Variants in INKA2 observed in about 807,000 individuals in gnomAD.
The protein encoded by INKA2 is inka box actin regulator 2, also known as PAK4-inhibitor INKA2.
Under a neutral mutation model 9.8 loss-of-function variants are expected in INKA2, and 3 were observed. The observed-to-expected ratio is 0.31, with a 90% confidence interval of 0.14 to 0.79. The LOEUF is 0.79. Ranked by LOEUF, INKA2 falls within the 30% of genes least tolerant of loss-of-function variation. The pLI, the probability that INKA2 is intolerant of heterozygous loss-of-function variation, is 0.62. For synonymous variants in INKA2, 147 were observed against 143.3 expected, an observed-to-expected ratio of 1.03 and a Z score of -0.18; for missense variants, 392 against 384.4, an observed-to-expected ratio of 1.02 and a Z score of -0.17.
chr1:111,743,898 A>G (rs141507860), upstream of INKA2, among the ~76,000 whole-genome samples: 431 of 152,356 alleles, frequency 2.8e-3, no homozygotes, highest in African/African-American at 9.8e-3. Flanking sequence ...CATCAACAGG[A>G]AAGGCTGACC....
intron 1 of INKA2, among the ~76,000 whole-genome samples, chr1:111,750,013 C>T (rs187653293): frequency 6.6e-6 from 1 of 152,364 alleles, no homozygotes; most frequent in Non-Finnish European, 1.5e-5. Flanking sequence ...AAACTCCCTG[C>T]CAAAAGGGGC....
At chr1:111,740,927 G>C (rs1236232725), upstream of INKA2, among the ~76,000 whole-genome samples, 5 of 137,916 alleles carry the variant, frequency 3.6e-5, no homozygotes, top group African/African-American at 2.7e-5. Flanking sequence ...AGCCGAGATC[G>C]GGCCATTGCA....
At chr1:111,737,074 G>C (rs1290970918) in intron 1 of INKA2, among the ~76,000 whole-genome samples, 2 of 152,114 alleles carry the variant, frequency 1.3e-5, no homozygotes. Flanking sequence ...GGGTAGTGCA[G>C]AGCTCTCCCA....
intron 1 of INKA2, among the ~76,000 whole-genome samples, chr1:111,744,832 G>C (rs573633293): frequency 6.6e-6 from 1 of 152,030 alleles, no homozygotes; most frequent in Non-Finnish European, 1.5e-5. Context: ...TGCCCGCCTC[G>C]TGCTTTTACC....
chr1:111,745,287 A>AT (rs1663243086), intron 1 of INKA2: 3 of 50,044 alleles, frequency 6.0e-5, no homozygotes, highest in East Asian at 4.2e-4. Flanking sequence ...ATATATATAT[A>AT]TATATATTTT....
Position 111,727,243 on chromosome 1 carries a change from T to C in INKA2, c.619A>G (p.Thr207Ala). 5.0e-6 allele frequency: 8 copies of C among 1,614,224 alleles called. No individual in the cohort carries two copies. Among genetic ancestry groups the C allele is most frequent in the Non-Finnish European group, 3.4e-6 (4 of 1,180,036 alleles). Residue 207 changes from threonine to alanine, a missense_variant, in exon 2 of 2, where the codon ACA becomes GCA. Physicochemically the swap from Thr to Ala is moderately conservative, Grantham distance 58 (BLOSUM62 0). Transcript: ENST00000357260. Reference protein sequence around the residue: ...PQELGRRFALTANIFKKFLRS... With the variant: ...PQELGRRFALAANIFKKFLRS... ...AAGAACTTCTTAAAGATGTTTGCTG[T>C]CAGGGCGAACCTGCGGCCCAGCTCC...
At chr1:111,727,945 T>C in intron 1 of INKA2, 141 bp from the exon 2 acceptor site, 2 of 775,640 alleles carry the variant, frequency 2.6e-6, no homozygotes, top group South Asian at 3.1e-5. Flanking sequence ...CTCTATAGCC[T>C]AGTGCAGTGC....
Position 111,725,986 on chromosome 1 carries a change from C to T in INKA2, c.*982G>A. On this transcript the variant is annotated 3_prime_UTR_variant, in exon 2 of 2. Coordinates refer to ENST00000357260, the MANE Select transcript of INKA2 (RefSeq NM_019099.5). ...TCCTGACCCCAGGTAATCCGCCTGCCTTGCCCTCCCAAAGTGCTGGGATTA... is the reference window on the plus strand; with the variant it reads ...TCCTGACCCCAGGTAATCCGCCTGCTTTGCCCTCCCAAAGTGCTGGGATTA... 2.5e-6 allele frequency: 1 copy of T among 397,458 alleles called. No individual in the cohort carries two copies. Among genetic ancestry groups the T allele is most frequent in the South Asian group, 1.3e-4 (1 of 7,786 alleles). 24.6% of individuals were successfully genotyped at this position (397,458 alleles called of 1,614,324 possible).
chr1:111,742,041 C>T (rs1437287588), upstream of INKA2, among the ~76,000 whole-genome samples: 1 of 152,098 alleles, frequency 6.6e-6, no homozygotes, highest in Non-Finnish European at 1.5e-5. Context: ...TAGGGTCAAG[C>T]TTAAGCCCCA....
At chr1:111,743,946 A>G (rs1663204633), upstream of INKA2, among the ~76,000 whole-genome samples, 1 of 152,258 alleles carries the variant, frequency 6.6e-6, no homozygotes, top group Non-Finnish European at 1.5e-5. Flanking sequence ...GTGTTCAGAT[A>G]TCACTGCGGA....
intron 1 of INKA2, chr1:111,747,865 A>G (rs1663308715): frequency 6.6e-6 from 1 of 152,150 alleles, no homozygotes; most frequent in African/African-American, 2.4e-5. Context: ...ACAGTCTGAA[A>G]TGAGCTCTCA....
chr1:111,739,663 C>A (rs1221278895), upstream of INKA2, among the ~76,000 whole-genome samples: 2 of 152,226 alleles, frequency 1.3e-5, no homozygotes, highest in African/African-American at 4.8e-5. Flanking sequence ...AAGCACGTGA[C>A]CCTCGTGTGG....
rs142736994 is a variant in INKA2, at chr1:111,727,448, C to T, written c.414G>A (p.Pro138=). 389 of 1,614,220 alleles carry T rather than the reference C, an allele frequency of 2.4e-4. 2 individuals are homozygous for T. The East Asian group carries it at 5.2e-3, about 21-fold the overall frequency. Residue 138 remains proline (P), a synonymous_variant, in exon 2 of 2, where the codon CCG becomes CCA. Transcript: ENST00000357260. ...ACATCAACGTGGAGGTCCAGTCATC[C>T]GGTTCCACTCGCTCTGGCCCCTGCT... ...CAQQGPERVE[P]DDWTSTLMSR... is the part of the protein sequence containing the mutation.
intron 1 of INKA2, among the ~76,000 whole-genome samples, chr1:111,747,956 T>C (rs1035320319): frequency 6.6e-6 from 1 of 152,206 alleles, no homozygotes; most frequent in Non-Finnish European, 1.5e-5. Context: ...ATCAGTGTTA[T>C]CCTTCTACTA....
upstream of INKA2, among the ~76,000 whole-genome samples, chr1:111,742,729 C>G (rs1663174855): frequency 1.3e-5 from 2 of 152,246 alleles, no homozygotes; most frequent in Non-Finnish European, 2.9e-5. Flanking sequence ...AGCAAGAAAA[C>G]AAATTGATAA....
In INKA2 at chr1:111,727,499, C is replaced by T. The variant is rs376399692; in HGVS notation, c.363G>A (p.Arg121=). 3 of 1,614,214 alleles carry T rather than the reference C, an allele frequency of 1.9e-6. No homozygotes were observed. Among genetic ancestry groups the T allele is most frequent in the Admixed American group, 3.3e-5 (2 of 60,024 alleles). Residue 121 remains arginine, a synonymous_variant, in exon 2 of 2, where the codon AGG becomes AGA. Transcript: ENST00000357260. ...GAGCACAGCTTTGATGTGGCTGTGT[C>T]CTGGGCAAGGGGGCTAAATCCCTTC... ...VCGRDLAPLP[R]TQPHQSCAQQ...
In INKA2 at chr1:111,723,058, A is replaced by G; in HGVS notation, c.*3910T>C. On this transcript the variant is annotated 3_prime_UTR_variant, in exon 2 of 2. Transcript: ENST00000357260. ...GTGACAGAGGGGGCTCTCAAATCTT[A>G]ACTCCAAGTCTAGTGCTCATACCAT... The G allele has an allele frequency of 1.4e-6, 1 of 702,166 alleles. No individual in the cohort carries two copies. The highest frequency in any genetic ancestry group is 2.6e-6 in the Non-Finnish European group (1 of 384,690). 43.5% of individuals were successfully genotyped at this position (702,166 alleles called of 1,614,324 possible). A position where few individuals can be genotyped will look rare whatever the true frequency, so the allele number is the denominator to read the frequency against.
At chr1:111,744,570 CTT>C (rs3085877) in intron 1 of INKA2, 11 of 141,028 alleles carry the variant, frequency 7.8e-5, no homozygotes, top group African/African-American at 7.8e-5. Context: ...TGCCATCACT[CTT>C]TTTTTTTTTT....
chr1:111,743,894 C>A (rs181570005), upstream of INKA2, among the ~76,000 whole-genome samples: 1 of 152,364 alleles, frequency 6.6e-6, no homozygotes, highest in Non-Finnish European at 1.5e-5. Flanking sequence ...TGATCATCAA[C>A]AGGAAAGGCT....
Sources: gnomAD v4.1 joint callset for allele counts (sites outside exome capture counted in the v4.1 genomes callset) on GRCh38, gnomAD v4.1.1 for gene constraint, MANE v1.5 for transcripts, NCBI Gene and HGNC (gene_info 2026-07-23, HGNC 2026-07-21) for gene names.